The following PPP1R13B variants were observed in gnomAD, a reference collection of about 807,000 sequenced individuals.
The protein encoded by PPP1R13B is protein phosphatase 1 regulatory subunit 13B.
In PPP1R13B, 44 loss-of-function variants were observed where a neutral mutation model predicts 119.8. The observed-to-expected ratio is 0.37, with a 90% confidence interval of 0.29 to 0.47. PPP1R13B has a LOEUF of 0.47. PPP1R13B is among the 20% of genes least tolerant of loss of function. The pLI is 0.99. For missense variants in PPP1R13B, 1,227 were observed against 1,413.5 expected, an observed-to-expected ratio of 0.87 and a Z score of 2.12; for synonymous variants, 542 against 561.5, an observed-to-expected ratio of 0.97 and a Z score of 0.49.
upstream of PPP1R13B, chr14:103,847,739 GC>G: frequency 3.1e-6 from 2 of 655,608 alleles, no homozygotes; most frequent in Non-Finnish European, 3.8e-6. Flanking sequence ...CTCAGCGGCG[GC>G]CAGGTGCGTG....
At chr14:103,829,089 G>C (rs2086612429) in intron 1 of PPP1R13B, among the ~76,000 whole-genome samples, 1 of 152,094 alleles carries the variant, frequency 6.6e-6, no homozygotes, top group Non-Finnish European at 1.5e-5. Context: ...AGACATAGTA[G>C]GATTCTAAAG....
intron 1 of PPP1R13B, among the ~76,000 whole-genome samples, chr14:103,819,747 T>C (rs1337667438): frequency 2.2e-5 from 3 of 136,128 alleles, no homozygotes; most frequent in Non-Finnish European, 4.8e-5. Context: ...AGAGCTCCCC[T>C]GTTTCTGCCC....
At chr14:103,753,920 T>A in intron 6 of PPP1R13B, 150 bp downstream of exon 6, 1 of 953,392 alleles carries the variant, frequency 1.0e-6, no homozygotes, top group Non-Finnish European at 1.6e-6. Context: ...AACCCACCCA[T>A]CCTTTTAGAT....
intron 2 of PPP1R13B, among the ~76,000 whole-genome samples, chr14:103,786,299 C>T (rs1210121414): frequency 3.3e-5 from 5 of 152,162 alleles, no homozygotes; most frequent in Admixed American, 2.6e-4. Context: ...GCCTCAGCCT[C>T]CCAAAGTGCT....
chr14:103,770,141 C>T (rs1198066607), intron 4 of PPP1R13B, among the ~76,000 whole-genome samples: 2 of 151,620 alleles, frequency 1.3e-5, no homozygotes, highest in African/African-American at 2.4e-5. Flanking sequence ...GATCCACCTA[C>T]CTCGGCCTCC....
intron 9 of PPP1R13B, among the ~76,000 whole-genome samples, chr14:103,743,568 AG>A (rs1349212800): frequency 6.6e-6 from 1 of 152,242 alleles, no homozygotes; most frequent in Non-Finnish European, 1.5e-5. Flanking sequence ...TCTCTTTTAC[AG>A]GAACAGGTGC....
At chr14:103,750,632 A>G (rs1242191097) in intron 7 of PPP1R13B, among the ~76,000 whole-genome samples, 1 of 152,084 alleles carries the variant, frequency 6.6e-6, no homozygotes, top group African/African-American at 2.4e-5. Context: ...AGAGTTCAAG[A>G]CCAGCCTGGC....
intron 1 of PPP1R13B, chr14:103,818,535 C>T: frequency 1.0e-6 from 1 of 975,916 alleles, no homozygotes; most frequent in Non-Finnish European, 1.2e-6. Context: ...CTAGACAAAT[C>T]ATACACCAGT....
Position 103,749,873 on chromosome 14 carries a change from T to A in PPP1R13B, c.890A>T (p.Asn297Ile). The A allele has an allele frequency of 6.2e-7, 1 of 1,614,204 alleles. No individual in the cohort carries two copies. ...CATGGCCACCTCCATGTTGCGCTTA[T>A]TTAAGAGTTCCTTCTGCTGCTGAAG... ...SKLQQQKELL[N>I]KRNMEVAMMD... The change falls in exon 8 of 17, where the codon AAT (asparagine) becomes ATT (isoleucine). Residue 297 changes from asparagine (N) to isoleucine (I), a missense_variant. Physicochemically the swap from Asn to Ile is moderately radical, Grantham distance 149. Transcript: ENST00000202556.
chr14:103,844,412 G>A (rs2086979847), intron 1 of PPP1R13B, among the ~76,000 whole-genome samples: 1 of 152,128 alleles, frequency 6.6e-6, no homozygotes, highest in Non-Finnish European at 1.5e-5. Context: ...ACTGGGCACT[G>A]TAGTACACCA....
rs1054323431 is a variant in PPP1R13B at position 103,738,737 on chromosome 14, T to C, written c.2806A>G (p.Ile936Val). The change falls in exon 14 of 17, where the codon ATC (isoleucine) becomes GTC (valine). Residue 936 changes from isoleucine (I) to valine (V), a missense_variant. Transcript: ENST00000202556. This position sits in a 1 kb window ranked among gnomAD's most constrained non-coding sequence, Gnocchi z 5.6. ...CCAAAATCCAGCAGGAACTTCACGA[T>C]GTGATGGTGGCCGGCGCAGACGGCG... is the stretch of plus-strand genomic sequence containing the variant. ...HNAVCAGHHH[I>V]VKFLLDFGVN... is the part of the protein sequence containing the mutation. The C allele has an allele frequency of 1.9e-5, 31 of 1,614,094 alleles. No individual in the cohort carries two copies. Among genetic ancestry groups the C allele is most frequent in the Admixed American group, 3.3e-5 (2 of 60,014 alleles).
chr14:103,753,293 C>A (rs750885284), intron 6 of PPP1R13B, 97 bp from the exon 7 acceptor site: 18 of 1,258,880 alleles, frequency 1.4e-5, no homozygotes, highest in Non-Finnish European at 1.8e-5. Context: ...TCATTTAGTG[C>A]CAGACCGTGG....
At chr14:103,837,038 C>T (rs1290800427) in intron 1 of PPP1R13B, among the ~76,000 whole-genome samples, 1 of 152,142 alleles carries the variant, frequency 6.6e-6, no homozygotes, top group Admixed American at 6.5e-5. Flanking sequence ...AAAAGCAGGA[C>T]ACAAGAAATC....
At chr14:103,777,227 A>G (rs751980686) in intron 4 of PPP1R13B, among the ~76,000 whole-genome samples, 1 of 152,162 alleles carries the variant, frequency 6.6e-6, no homozygotes, top group Non-Finnish European at 1.5e-5. Context: ...TCCTGACCTC[A>G]GGTGATCCAC....
intron 1 of PPP1R13B, among the ~76,000 whole-genome samples, chr14:103,841,334 TCCCAGCACTCTGAGAGG>T (rs2086903001): frequency 6.6e-6 from 1 of 151,940 alleles, no homozygotes; most frequent in South Asian, 2.1e-4. Flanking sequence ...AAGCCTGTAA[TCCCAGCACTCTGAGAGG>T]CCGAGGCGGG....
intron 15 of PPP1R13B, 131 bp from the exon 16 acceptor site, chr14:103,736,333 G>A (rs922667262): frequency 4.4e-6 from 4 of 917,544 alleles, no homozygotes; most frequent in Admixed American, 4.2e-5. Context: ...GCCAGCGAGG[G>A]AGATGAGACA....
chr14:103,839,926 A>C (rs1160671852), intron 1 of PPP1R13B, among the ~76,000 whole-genome samples: 2 of 152,258 alleles, frequency 1.3e-5, no homozygotes, highest in East Asian at 3.8e-4. Context: ...CAATAATGCC[A>C]CTAACAAGAT....
chr14:103,761,711 C>T lies in PPP1R13B; in HGVS notation c.355-3960G>A, dbSNP rs148591366. Among the ~76,000 whole-genome samples the T allele has an allele frequency of 9.8e-3, 1,449 of 148,608 alleles. 22 individuals carry two copies. The highest frequency in any genetic ancestry group is 0.034 in the African/African-American group (1,386 of 40,186). On this transcript the variant is annotated intron_variant, in intron 4 of 16. Coordinates refer to ENST00000202556, the MANE Select transcript of PPP1R13B (RefSeq NM_015316.3). ...CCAGGAGGCGGAAGTTGCAGTGAGC[C>T]AAGACCGTGCCACTGCACTCCAGCC...
intron 1 of PPP1R13B, among the ~76,000 whole-genome samples, chr14:103,819,504 AAAACAAACAAAC>A (rs896582552): frequency 4.0e-5 from 6 of 149,322 alleles, no homozygotes; most frequent in African/African-American, 1.5e-4. Context: ...TCTATTAAAA[AAAACAAACAAAC>A]AAAAAAAAAC....
Sources: gnomAD v4.1 joint callset for allele counts (sites outside exome capture counted in the v4.1 genomes callset) on GRCh38, gnomAD v4.1.1 for gene constraint, Gnocchi (gnomAD v3.1) non-coding constraint, MANE v1.5 for transcripts, NCBI Gene and HGNC (gene_info 2026-07-23, HGNC 2026-07-21) for gene names.